Variants in HS2ST1 observed in about 807,000 individuals in gnomAD.
HS2ST1 encodes the protein heparan sulfate 2-O-sulfotransferase 1, also known as 2-O-sulfotransferase.
A neutral mutation model predicts 42.9 loss-of-function variants in HS2ST1; 18 were observed. That is an observed-to-expected ratio of 0.42 (90% confidence interval 0.29 to 0.62). HS2ST1 has a LOEUF of 0.62. Ranked by LOEUF, HS2ST1 falls within the 20% of genes least tolerant of loss-of-function variation. HS2ST1 has a pLI of 0.21. For missense variants in HS2ST1, 334 were observed against 433.8 expected (o/e 0.77, Z 2.04); for synonymous variants, 146 against 152.9 (o/e 0.95, Z 0.33).
At chr1:86,923,457 C>T (rs1057475715) in intron 1 of HS2ST1, among the ~76,000 whole-genome samples, 3 of 149,936 alleles carry the variant, frequency 2.0e-5, no homozygotes, top group South Asian at 2.1e-4. Flanking sequence ...AGTGCAGTGG[C>T]GCAATCTCGG....
intron 5 of HS2ST1, among the ~76,000 whole-genome samples, chr1:87,101,149 G>GTGTTTTTTTTTTTTTTTTT (rs1557546421): frequency 1.7e-5 from 1 of 59,540 alleles, no homozygotes; most frequent in Non-Finnish European, 3.0e-5. Context: ...GTGTGTGTGT[G>GTGTTTTTTTTTTTTTTTTT]TTTTTTGTTT....
At chr1:87,094,122 A>G (rs1652009189) in intron 4 of HS2ST1, among the ~76,000 whole-genome samples, 1 of 151,756 alleles carries the variant, frequency 6.6e-6, no homozygotes, top group Non-Finnish European at 1.5e-5. Context: ...CTTTCTTTTT[A>G]TTTTTTATTT....
At chr1:87,046,969 A>G (rs549681797) in intron 1 of HS2ST1, among the ~76,000 whole-genome samples, 16 of 151,418 alleles carry the variant, frequency 1.1e-4, no homozygotes, top group South Asian at 8.4e-4. Context: ...TGGCCTCCCA[A>G]AGTGCTGGGA....
At chr1:86,945,011 T>C (rs186183541) in intron 1 of HS2ST1, among the ~76,000 whole-genome samples, 18 of 152,286 alleles carry the variant, frequency 1.2e-4, no homozygotes, top group Non-Finnish European at 2.5e-4. Flanking sequence ...TAGTGTGTAT[T>C]ATCTCTTATA....
At position 86,963,873 on chromosome 1, in the gene HS2ST1, G is replaced by GGGCGGGGCGGCTGGCCT. The variant is rs1201559690; in HGVS notation, c.124+48721_124+48737dup. ...TCCCGCCCGGACGGGGTGGCTGGCC[G>GGGCGGGGCGGCTGGCCT]GGCGGGGCGGCTGGCCTGGCGGGGG... is the stretch of plus-strand genomic sequence containing the variant. On this transcript the variant is annotated intron_variant, in intron 1 of 6. Coordinates refer to ENST00000370550, the MANE Select transcript of HS2ST1 (RefSeq NM_012262.4). 4.3e-3 allele frequency among the ~76,000 whole-genome samples: 647 copies of GGGCGGGGCGGCTGGCCT among 149,312 alleles called. 4 individuals are homozygous for GGGCGGGGCGGCTGGCCT. The highest frequency in any genetic ancestry group is 0.021 in the Middle Eastern group (6 of 286).
intron 1 of HS2ST1, among the ~76,000 whole-genome samples, chr1:86,921,611 C>A (rs184224996): frequency 3.9e-5 from 6 of 152,056 alleles, no homozygotes; most frequent in African/African-American, 1.4e-4. Flanking sequence ...CTTTTTTCTA[C>A]GTAAGAAGAC....
chr1:87,014,268 G>T (rs905820199), intron 1 of HS2ST1, among the ~76,000 whole-genome samples: 2 of 152,218 alleles, frequency 1.3e-5, no homozygotes, highest in Non-Finnish European at 2.9e-5. Context: ...CACAATCATG[G>T]TGGAAGGTGA....
intron 1 of HS2ST1, among the ~76,000 whole-genome samples, chr1:87,017,640 T>G (rs564964623): frequency 6.6e-6 from 1 of 152,330 alleles, no homozygotes; most frequent in East Asian, 1.9e-4. Flanking sequence ...AACAATTGGC[T>G]GAAAACCCCC....
At chr1:87,013,052 G>T (rs1649649160) in intron 1 of HS2ST1, among the ~76,000 whole-genome samples, 1 of 152,220 alleles carries the variant, frequency 6.6e-6, no homozygotes, top group South Asian at 2.1e-4. Flanking sequence ...TTGAGCATCT[G>T]CAGCTTTTCC....
intron 1 of HS2ST1, among the ~76,000 whole-genome samples, chr1:86,942,987 G>T (rs1660795611): frequency 6.6e-6 from 1 of 151,926 alleles, no homozygotes; most frequent in South Asian, 2.1e-4. Flanking sequence ...CTTGCTTTAA[G>T]CTTTACCCTT....
intron 1 of HS2ST1, among the ~76,000 whole-genome samples, chr1:87,063,490 C>A (rs1019284522): frequency 3.3e-5 from 5 of 152,124 alleles, no homozygotes; most frequent in Non-Finnish European, 1.5e-5. Context: ...GCATGCACCA[C>A]CACGCCTGGC....
rs549828250 is a variant in HS2ST1 at position 86,983,361 on chromosome 1, A to G, written c.124+68201A>G. On this transcript the variant is annotated intron_variant, in intron 1 of 6. Transcript: ENST00000370550. ...GGGAGATCTCAGGAAAATTAAAATC[A>G]TGGCAGAAGGTGAAGGGAAAACAAG... Among the ~76,000 whole-genome samples the G allele has an allele frequency of 2.6e-5, 4 of 152,272 alleles. No individual in the cohort carries two copies. The South Asian group carries it at 8.3e-4, about 32-fold the overall frequency.
chr1:86,993,839 G>A (rs1272378732), intron 1 of HS2ST1, among the ~76,000 whole-genome samples: 1 of 152,098 alleles, frequency 6.6e-6, no homozygotes, highest in Admixed American at 6.6e-5. Flanking sequence ...AGACAAAAAA[G>A]ATTTATCTTC....
chr1:86,994,715 T>C (rs1171748241), intron 1 of HS2ST1, among the ~76,000 whole-genome samples: 1 of 152,072 alleles, frequency 6.6e-6, no homozygotes, highest in Non-Finnish European at 1.5e-5. Flanking sequence ...TGTTTTAGGG[T>C]CTTATTACAG....
intron 1 of HS2ST1, among the ~76,000 whole-genome samples, chr1:86,951,884 A>G (rs1647531046): frequency 6.6e-6 from 1 of 152,192 alleles, no homozygotes; most frequent in African/African-American, 2.4e-5. Context: ...TTTCATCTCA[A>G]ACCATTTTCT....
At position 87,084,192 on chromosome 1, in the gene HS2ST1, A is replaced by T; in HGVS notation, c.364-2A>T. 1 of 1,568,928 alleles carries T rather than the reference A, an allele frequency of 6.4e-7. No individual in the cohort carries two copies. The highest frequency in any genetic ancestry group is 8.7e-7 in the Non-Finnish European group (1 of 1,150,476). The stretch of plus-strand genomic sequence containing the variant: ...TATAATGAATGTGTTCTCCCTTTTT[A>T]GGTGCGCTTTGTAAAGAATATAACT... On this transcript the variant is annotated splice_acceptor_variant, in intron 2 of 6. Transcript: ENST00000370550. LOFTEE classifies it high-confidence loss of function.
Position 87,050,016 on chromosome 1 carries a change from A to G in HS2ST1, c.125-22918A>G, listed in dbSNP as rs564570272. ...TGAAATGATCCTTTTTATCTTTGCC[A>G]GTATTCTTTACTCTGAAATCCATTT... is the stretch of plus-strand genomic sequence containing the variant. On this transcript the variant is annotated intron_variant, in intron 1 of 6. Transcript: ENST00000370550. Among the ~76,000 whole-genome samples the G allele has an allele frequency of 1.1e-4, 17 of 152,138 alleles. No homozygotes were observed. In the East Asian group the frequency reaches 2.3e-3, roughly 21 times the overall value.
At chr1:86,978,070 T>C (rs1387854628) in intron 1 of HS2ST1, among the ~76,000 whole-genome samples, 1 of 152,208 alleles carries the variant, frequency 6.6e-6, no homozygotes, top group Non-Finnish European at 1.5e-5. Context: ...CAAGTACCAT[T>C]GTGTTACAAT....
In HS2ST1 at chr1:87,046,054, T is replaced by G. The variant is rs1650652465; in HGVS notation, c.125-26880T>G. 3 of 665,590 alleles carry G rather than the reference T, an allele frequency of 4.5e-6. No homozygotes were observed. In the Admixed American group the frequency reaches 5.4e-5, roughly 12 times the overall value. 41.2% of individuals were successfully genotyped at this position (665,590 alleles called of 1,614,324 possible). A position where few individuals can be genotyped will look rare whatever the true frequency, so the allele number is the denominator to read the frequency against. ...CAGTTTTACCTGAAAGCTAATATGG[T>G]TGCCTACCATGACAGCATCATGAAC... On this transcript the variant is annotated intron_variant, in intron 1 of 6. Coordinates refer to ENST00000370550, the MANE Select transcript of HS2ST1 (RefSeq NM_012262.4).
Sources: gnomAD v4.1 joint callset for allele counts (sites outside exome capture counted in the v4.1 genomes callset) on GRCh38, gnomAD v4.1.1 for gene constraint, MANE v1.5 for transcripts, NCBI Gene and HGNC (gene_info 2026-07-23, HGNC 2026-07-21) for gene names.